The following SLCO3A1 variants were observed in gnomAD, a reference collection of about 807,000 sequenced individuals.
The protein encoded by SLCO3A1 is PGE1 transporter.
In SLCO3A1, 27 loss-of-function variants were observed where a neutral mutation model predicts 63.1. The ratio of observed to expected loss-of-function variants is 0.43; its 90% CI spans 0.32 to 0.59. The LOEUF is 0.59. Ranked by LOEUF, SLCO3A1 falls within the 20% of genes least tolerant of loss-of-function variation. The probability of loss-of-function intolerance (pLI) is 0.09; values close to 1 mark genes in which losing one functional copy is unlikely to be tolerated. For missense variants in SLCO3A1, 773 were observed against 945.8 expected (o/e 0.82, Z 2.40); for synonymous variants, 473 against 409.9 (o/e 1.15, Z -1.86).
Position 92,164,739 on chromosome 15 carries a change from T to C in SLCO3A1, c.*1604T>C, listed in dbSNP as rs926308345. 1 of 985,388 alleles carries C rather than the reference T, an allele frequency of 1.0e-6. No homozygotes were observed. The highest frequency in any genetic ancestry group is 1.2e-6 in the Non-Finnish European group (1 of 829,930). The allele number at this position is 985,388 out of a possible 1,614,324, so 61.0% of individuals were successfully genotyped here. ...CTTGTCTGTGTGTTTTGAAGGTGGG[T>C]GAACCTCAGAGAATGAACCTGTTAT... On this transcript the variant is annotated 3_prime_UTR_variant, in exon 10 of 10. Coordinates refer to ENST00000318445, the MANE Select transcript of SLCO3A1 (RefSeq NM_013272.4).
chr15:91,937,150 G>A (rs1043159784), intron 2 of SLCO3A1, among the ~76,000 whole-genome samples: 1 of 152,152 alleles, frequency 6.6e-6, no homozygotes, highest in Non-Finnish European at 1.5e-5. Context: ...CCCAGCTGAC[G>A]ATGTAAAAGG....
rs1444960463 is a variant in SLCO3A1, at chr15:91,967,391, TC to T, written c.646+50938del. Among the ~76,000 whole-genome samples the T allele has an allele frequency of 2.6e-5, 4 of 152,026 alleles. No homozygotes were observed. The highest frequency in any genetic ancestry group is 6.6e-5 in the Admixed American group (1 of 15,262). On this transcript the variant is annotated intron_variant, in intron 2 of 9. Coordinates refer to ENST00000318445, the MANE Select transcript of SLCO3A1 (RefSeq NM_013272.4). This position sits in a 1 kb window ranked among gnomAD's most constrained non-coding sequence, Gnocchi z 4.4. ...ATTAACCCATAAGAGTCCAAATAAC[TC>T]CCCCTGCTTGAAGCTTTATATGGTG... is the stretch of plus-strand genomic sequence containing the variant.
chr15:91,966,747 A>C (rs1307352522), intron 2 of SLCO3A1, among the ~76,000 whole-genome samples: 1 of 152,236 alleles, frequency 6.6e-6, no homozygotes, highest in African/African-American at 2.4e-5. Context: ...TCAGCAGTGG[A>C]AGGAATTCAT....
At chr15:91,887,679 C>G (rs1238260936) in intron 1 of SLCO3A1, among the ~76,000 whole-genome samples, 3 of 152,190 alleles carry the variant, frequency 2.0e-5, no homozygotes, top group Non-Finnish European at 2.9e-5. Context: ...GCTGTTCTCT[C>G]CCTGTCTTTT....
At chr15:92,077,194 C>T (rs1380465498) in intron 2 of SLCO3A1, among the ~76,000 whole-genome samples, 3 of 152,098 alleles carry the variant, frequency 2.0e-5, no homozygotes, top group Admixed American at 6.5e-5. Flanking sequence ...TCCCACGACC[C>T]GTGGGAATTA....
chr15:92,152,643 C>T (rs2048322041), intron 9 of SLCO3A1, among the ~76,000 whole-genome samples: 1 of 152,208 alleles, frequency 6.6e-6, no homozygotes. Context: ...CCCCTGCTCT[C>T]ACTGCAGTGT....
chr15:92,008,473 T>G (rs921254958), intron 2 of SLCO3A1, among the ~76,000 whole-genome samples: 1 of 152,266 alleles, frequency 6.6e-6, no homozygotes, highest in African/African-American at 2.4e-5. Flanking sequence ...CTAGCTGAGT[T>G]GCACATTCAA....
At chr15:92,027,789 G>T (rs1040950013) in intron 2 of SLCO3A1, among the ~76,000 whole-genome samples, 1 of 152,206 alleles carries the variant, frequency 6.6e-6, no homozygotes, top group Admixed American at 6.5e-5. Context: ...ATGAAAACAG[G>T]ACCGCGTAAA....
chr15:92,099,626 G>A (rs1431861220), intron 3 of SLCO3A1, among the ~76,000 whole-genome samples: 2 of 152,130 alleles, frequency 1.3e-5, no homozygotes, highest in African/African-American at 4.8e-5. Context: ...GGAAATGGGT[G>A]GAAATCTCCA....
At chr15:91,964,086 C>G (rs914946387) in intron 2 of SLCO3A1, among the ~76,000 whole-genome samples, 1 of 152,158 alleles carries the variant, frequency 6.6e-6, no homozygotes, top group African/African-American at 2.4e-5. Context: ...CAAGTCCCCA[C>G]CTGACCCAGA....
intron 2 of SLCO3A1, among the ~76,000 whole-genome samples, chr15:92,027,216 G>A (rs145157733): frequency 2.0e-5 from 3 of 152,240 alleles, no homozygotes; most frequent in Admixed American, 6.5e-5. Context: ...TTTTTGATAG[G>A]GTCGGTATTG....
chr15:92,053,464 A>T lies in SLCO3A1; in HGVS notation c.647-41417A>T, dbSNP rs142220099. On this transcript the variant is annotated intron_variant, in intron 2 of 9. Transcript: ENST00000318445. ...TGCGATCATCTGAGGTCCACATTTTATTCAGATGCGTGTAGTTTTTCGCTA... is the reference window on the plus strand; with the variant it reads ...TGCGATCATCTGAGGTCCACATTTTTTTCAGATGCGTGTAGTTTTTCGCTA... 3.6e-3 allele frequency among the ~76,000 whole-genome samples: 543 copies of T among 152,236 alleles called. 5 individuals carry two copies. Among genetic ancestry groups the T allele is most frequent in the African/African-American group, 0.012 (504 of 41,518 alleles).
chr15:92,139,132 T>A (rs2048095234), intron 7 of SLCO3A1, among the ~76,000 whole-genome samples: 1 of 151,362 alleles, frequency 6.6e-6, no homozygotes, highest in South Asian at 2.1e-4. Flanking sequence ...TAGCTCTTAT[T>A]ATTTTGAAAT....
At chr15:91,926,251 C>G (rs1003241511) in intron 2 of SLCO3A1, among the ~76,000 whole-genome samples, 1 of 152,212 alleles carries the variant, frequency 6.6e-6, no homozygotes, top group South Asian at 2.1e-4. Flanking sequence ...CTCCACCTTT[C>G]TCCCTACCTA....
Position 91,932,258 on chromosome 15 carries a change from T to C in SLCO3A1, c.646+15800T>C, listed in dbSNP as rs144529434. ...GGCCTGAAATTGAGATTTCATAGAA[T>C]AATTGATTTTTTGTCATCATGGAAA... is the stretch of plus-strand genomic sequence containing the variant. On this transcript the variant is annotated intron_variant, in intron 2 of 9. Coordinates refer to ENST00000318445, the MANE Select transcript of SLCO3A1 (RefSeq NM_013272.4). 2.5e-4 allele frequency among the ~76,000 whole-genome samples: 38 copies of C among 152,266 alleles called. 3 individuals are homozygous for C. The East Asian group carries it at 7.3e-3, about 29-fold the overall frequency.
chr15:91,931,208 G>A (rs1899216112), intron 2 of SLCO3A1, among the ~76,000 whole-genome samples: 1 of 152,170 alleles, frequency 6.6e-6, no homozygotes. Flanking sequence ...CGTAAACTCG[G>A]TTTTTCATAG....
At chr15:92,029,581 A>G (rs1023556138) in intron 2 of SLCO3A1, among the ~76,000 whole-genome samples, 5 of 152,226 alleles carry the variant, frequency 3.3e-5, no homozygotes, top group African/African-American at 1.2e-4. Flanking sequence ...TGGAAACACA[A>G]TAAAGGCTAA....
chr15:92,156,513 T>A (rs913569927), intron 9 of SLCO3A1, among the ~76,000 whole-genome samples: 1 of 152,146 alleles, frequency 6.6e-6, no homozygotes, highest in African/African-American at 2.4e-5. Context: ...TTATTTAAGC[T>A]CTCTGGGCCT....
At chr15:91,984,050 C>T (rs575311890) in intron 2 of SLCO3A1, among the ~76,000 whole-genome samples, 2 of 152,172 alleles carry the variant, frequency 1.3e-5, no homozygotes. Context: ...CCTCCCCAAC[C>T]AAACAAGGGT....
Sources: allele counts gnomAD v4.1 joint callset (sites outside exome capture counted in the v4.1 genomes callset), GRCh38; gene constraint gnomAD v4.1.1; non-coding constraint Gnocchi (gnomAD v3.1); transcripts MANE v1.5; gene names NCBI Gene and HGNC (gene_info 2026-07-23, HGNC 2026-07-21).